The following SNRNP200 variants were observed in gnomAD, a reference collection of about 807,000 sequenced individuals.
The protein encoded by SNRNP200 is small nuclear ribonucleoprotein U5 subunit 200, also known as U5 small nuclear ribonucleoprotein 200 kDa helicase.
SNRNP200 carries 66 observed loss-of-function variants against 255.2 expected under a neutral mutation model. That is an observed-to-expected ratio of 0.26 (90% CI 0.21 to 0.32). The LOEUF is 0.32. Among genes scored for constraint, SNRNP200 ranks in the 10% least tolerant of loss-of-function variants. The pLI is 1.00. For synonymous variants in SNRNP200, 939 were observed against 1,027.8 expected, an observed-to-expected ratio of 0.91 and a Z score of 1.65; for missense variants, 1,585 against 2,749.8, an observed-to-expected ratio of 0.58 and a Z score of 9.47.
In SNRNP200 at chr2:96,301,708, A is replaced by G. The variant is rs138291954; in HGVS notation, c.390T>C (p.Asp130=). 3.4e-4 allele frequency: 553 copies of G among 1,614,048 alleles called. No individual in the cohort carries two copies. Among genetic ancestry groups the G allele is most frequent in the Non-Finnish European group, 4.2e-4 (493 of 1,180,032 alleles). The part of the protein sequence containing the change: ...IQAALGDQPR[D]ILCGAADEVL... ...CTTCATCAGCTGCCCCACAAAGGAT[A>G]TCACGTGGCTGGTGGCAAGAAACAA... The change falls in exon 4 of 45, where the codon GAT becomes GAC. Residue 130 remains aspartate (D), a synonymous_variant. Transcript: ENST00000323853.
At position 96,291,329 on chromosome 2, in the gene SNRNP200, T is replaced by G; in HGVS notation, c.2421+63A>C. 2.4e-5 allele frequency: 23 copies of G among 951,794 alleles called. No individual in the cohort carries two copies. Among genetic ancestry groups the G allele is most frequent in the Non-Finnish European group, 3.5e-5 (20 of 575,574 alleles). 59.0% of individuals were successfully genotyped at this position (951,794 alleles called of 1,614,324 possible). A position where few individuals can be genotyped will look rare whatever the true frequency, so the allele number is the denominator to read the frequency against. ...ACCAGGAGCAAACATGGCACAAACT[T>G]GACATTGCCCATCTTCTGAAGTATG... On this transcript the variant is annotated intron_variant, in intron 18 of 44. Coordinates refer to ENST00000323853, the MANE Select transcript of SNRNP200 (RefSeq NM_014014.5). This position sits in a 1 kb window ranked among gnomAD's most constrained non-coding sequence, Gnocchi z 4.2.
chr2:96,284,985 G>A (rs577162885), intron 30 of SNRNP200, 195 bp downstream of exon 30: 201 of 685,884 alleles, frequency 2.9e-4, no homozygotes, highest in Middle Eastern at 1.2e-3. Flanking sequence ...CCTGATCTCC[G>A]GAGATCTGCC....
intron 11 of SNRNP200, 85 bp from the exon 12 acceptor site, chr2:96,297,155 C>A: frequency 6.3e-7 from 1 of 1,595,930 alleles, no homozygotes; most frequent in Non-Finnish European, 8.6e-7. Context: ...ATTTTGTTCC[C>A]TGGCAATCTC....
chr2:96,302,896 C>G (rs1462164472), intron 3 of SNRNP200, among the ~76,000 whole-genome samples: 1 of 152,184 alleles, frequency 6.6e-6, no homozygotes, highest in Non-Finnish European at 1.5e-5. Flanking sequence ...GGCGCACCAC[C>G]CTCCAGAAAC....
chr2:96,303,360 G>A, intron 2 of SNRNP200, 30 bp from the exon 3 acceptor site: 1 of 1,613,464 alleles, frequency 6.2e-7, no homozygotes. Flanking sequence ...ATATTGAATG[G>A]CAGAACCTTT....
At chr2:96,294,132 CAAA>C (rs149859993) in intron 14 of SNRNP200, among the ~76,000 whole-genome samples, 67 of 85,210 alleles carry the variant, frequency 7.9e-4, no homozygotes, top group East Asian at 1.2e-3. Context: ...TGCTCCATCT[CAAA>C]AAAAAAAAAA....
At chr2:96,296,274 G>A (rs532921109) in intron 13 of SNRNP200, among the ~76,000 whole-genome samples, 40 of 152,276 alleles carry the variant, frequency 2.6e-4, no homozygotes, top group African/African-American at 7.2e-4. Flanking sequence ...CAAATGATAC[G>A]AACTGCAGAA....
intron 5 of SNRNP200, 95 bp from the exon 6 acceptor site, chr2:96,299,522 T>A: frequency 9.7e-7 from 1 of 1,033,624 alleles, no homozygotes; most frequent in Non-Finnish European, 1.5e-6. Context: ...GCTCAATGGG[T>A]AGAGAAATGG....
In SNRNP200 at chr2:96,298,332, G is replaced by C. The variant is rs1321365098; in HGVS notation, c.1071C>G (p.Ser357=). Residue 357 remains serine, a synonymous_variant, in exon 9 of 45, where the codon TCC becomes TCG. Coordinates refer to ENST00000323853, the MANE Select transcript of SNRNP200 (RefSeq NM_014014.5). Reference sequence around the variant, plus strand: ...TTTCATGAAGCTGGTAGAGGAACTTGGATAGCTCTGGGTCAGCTTCCATCT... The same window carrying C: ...TTTCATGAAGCTGGTAGAGGAACTTCGATAGCTCTGGGTCAGCTTCCATCT... ...MGKMEADPEL[S]KFLYQLHETE... is the part of the protein sequence containing the mutation. The C allele has an allele frequency of 1.9e-6, 3 of 1,614,150 alleles. No homozygotes were observed. The Admixed American group carries it at 5.0e-5, about 27-fold the overall frequency.
intron 21 of SNRNP200, 133 bp from the exon 22 acceptor site, chr2:96,289,512 T>C (rs1332477341): frequency 2.1e-6 from 2 of 966,340 alleles, no homozygotes; most frequent in African/African-American, 3.2e-5. Context: ...ATGTCATTAT[T>C]GTCCTAATAG....
rs2063825161 is a variant in SNRNP200 at position 96,283,941 on chromosome 2, G to A, written c.4456C>T (p.Arg1486Cys). 5 of 1,562,884 alleles carry A rather than the reference G, an allele frequency of 3.2e-6. No individual in the cohort carries two copies. Among genetic ancestry groups the A allele is most frequent in the African/African-American group, 1.4e-5 (1 of 73,304 alleles). Reference sequence around the variant, plus strand: ...AGCGAAGAGCTGAGTGCCACAATGCGAATGGGCCGCTCAATCTGGGAGGAG... The same window carrying A: ...AGCGAAGAGCTGAGTGCCACAATGCAAATGGGCCGCTCAATCTGGGAGGAG... ...YISSQIERPI[R>C]IVALSSSLSN... The change falls in exon 32 of 45, where the codon CGC becomes TGC. Residue 1486 changes from arginine to cysteine, a missense_variant. Arg to Cys is a radical substitution (Grantham distance 180, BLOSUM62 -3). Transcript: ENST00000323853. This position sits in a 1 kb window ranked among gnomAD's most constrained non-coding sequence, Gnocchi z 4.7.
rs757565028 is a variant in SNRNP200, at chr2:96,298,430, A to G, written c.983-10T>C. 4.3e-6 allele frequency: 7 copies of G among 1,614,054 alleles called. No individual in the cohort carries two copies. The African/African-American group carries it at 9.3e-5, about 22-fold the overall frequency. On this transcript the variant is annotated splice_polypyrimidine_tract_variant and intron_variant, in intron 8 of 44. Coordinates refer to ENST00000323853, the MANE Select transcript of SNRNP200 (RefSeq NM_014014.5). ...AAGGTACAGTATAAAACTACCCACA[A>G]CAAAAGGAACAAAGGAAGTGAGGAG...
intron 35 of SNRNP200, among the ~76,000 whole-genome samples, chr2:96,280,741 G>A (rs896440219): frequency 2.6e-5 from 4 of 151,676 alleles, no homozygotes; most frequent in Non-Finnish European, 2.9e-5. Context: ...GTAGAAACAG[G>A]GTTTCACCAC....
At chr2:96,293,544 C>T (rs1001677337) in intron 14 of SNRNP200, 35 bp from the exon 15 acceptor site, 7 of 1,580,326 alleles carry the variant, frequency 4.4e-6, no homozygotes, top group African/African-American at 2.7e-5. Flanking sequence ...ACCTCTAGCA[C>T]TAGAGATACA....
chr2:96,288,566 A>G (rs2063858199), intron 24 of SNRNP200, 97 bp downstream of exon 24: 2 of 1,064,232 alleles, frequency 1.9e-6, no homozygotes, highest in East Asian at 4.8e-5. Flanking sequence ...CTCCCATCTC[A>G]CTAGGGTCGG....
chr2:96,286,193 A>G lies in SNRNP200; in HGVS notation c.4003+118T>C. 1 of 1,011,424 alleles carries G rather than the reference A, an allele frequency of 9.9e-7. No individual in the cohort carries two copies. The highest frequency in any genetic ancestry group is 2.4e-5 in the East Asian group (1 of 41,970). 62.7% of individuals were successfully genotyped at this position (1,011,424 alleles called of 1,614,324 possible). On this transcript the variant is annotated intron_variant, in intron 29 of 44. Coordinates refer to ENST00000323853, the MANE Select transcript of SNRNP200 (RefSeq NM_014014.5). The surrounding 1 kb of genome is among the most constrained non-coding windows in gnomAD (Gnocchi z 4.8). ...AGTCCTGGTGGGTCCCAGCGGTCAC[A>G]CTGAGGAGCTCCCAGACCTCCCAAG...
intron 43 of SNRNP200, chr2:96,276,420 ATTTTTTTT>A (rs34749374): frequency 6.8e-5 from 11 of 160,690 alleles, no homozygotes; most frequent in Non-Finnish European, 1.2e-4. Flanking sequence ...AGTCATCTAA[ATTTTTTTT>A]TTTTTTTTTT....
At chr2:96,281,022 G>C (rs1684751322) in intron 35 of SNRNP200, among the ~76,000 whole-genome samples, 1 of 151,332 alleles carries the variant, frequency 6.6e-6, no homozygotes, top group African/African-American at 2.4e-5. Flanking sequence ...ACAGGCACCT[G>C]CCATCAAACC....
At chr2:96,296,003 C>T (rs2063914795) in intron 13 of SNRNP200, among the ~76,000 whole-genome samples, 1 of 151,984 alleles carries the variant, frequency 6.6e-6, no homozygotes, top group African/African-American at 2.4e-5. Context: ...TCTAGTAGTA[C>T]ATGTCTATAA....
Sources: gnomAD v4.1 joint callset for allele counts (sites outside exome capture counted in the v4.1 genomes callset) on GRCh38, gnomAD v4.1.1 for gene constraint, Gnocchi (gnomAD v3.1) non-coding constraint, MANE v1.5 for transcripts, NCBI Gene and HGNC (gene_info 2026-07-23, HGNC 2026-07-21) for gene names.